GRIK4: variants seen among roughly 807,000 people sequenced by gnomAD.
GRIK4 encodes the protein glutamate ionotropic receptor kainate type subunit 4, also known as glutamate receptor ionotropic, kainate 4.
In GRIK4, 40 loss-of-function variants were observed where a neutral mutation model predicts 104.9. The ratio of observed to expected loss-of-function variants is 0.38; its 90% CI spans 0.30 to 0.50. GRIK4 has a LOEUF of 0.50. Among genes scored for constraint, GRIK4 ranks in the 20% least tolerant of loss-of-function variants. GRIK4 has a pLI of 0.93. For synonymous variants in GRIK4, 485 were observed against 524.9 expected (o/e 0.92, Z 1.04); for missense variants, 1,047 against 1,308.1 (o/e 0.80, Z 3.08).
At chr11:120,808,891 T>G (rs1388137648) in intron 4 of GRIK4, among the ~76,000 whole-genome samples, 1 of 152,050 alleles carries the variant, frequency 6.6e-6, no homozygotes, top group Non-Finnish European at 1.5e-5. Context: ...CCAGTGCACA[T>G]CTCTGTGAGC....
chr11:120,819,691 C>T lies in GRIK4; in HGVS notation c.346-64C>T. ...CCCTCCACAACCTCAGCTCACTCAT[C>T]CCTCTTTCTTCCTTTTCACCCACCT... On this transcript the variant is annotated intron_variant, in intron 5 of 20. Transcript: ENST00000527524. The surrounding 1 kb of genome is among the most constrained non-coding windows in gnomAD (Gnocchi z 4.3). 1 of 1,480,706 alleles carries T rather than the reference C, an allele frequency of 6.8e-7. No homozygotes were observed. The highest frequency in any genetic ancestry group is 9.4e-7 in the Non-Finnish European group (1 of 1,060,474). The allele number at this position is 1,480,706 out of a possible 1,614,324, so 91.7% of individuals were successfully genotyped here.
At chr11:120,590,975 C>G (rs1479527706) in intron 1 of GRIK4, among the ~76,000 whole-genome samples, 2 of 152,076 alleles carry the variant, frequency 1.3e-5, no homozygotes, top group Non-Finnish European at 2.9e-5. Context: ...CCAGGACACT[C>G]CCAAATGATG....
At chr11:120,576,784 G>A (rs894862438) in intron 1 of GRIK4, among the ~76,000 whole-genome samples, 4 of 152,210 alleles carry the variant, frequency 2.6e-5, no homozygotes, top group Admixed American at 2.6e-4. Flanking sequence ...TCCCCATAGA[G>A]GAGCCTGTGT....
intron 13 of GRIK4, among the ~76,000 whole-genome samples, chr11:120,921,602 G>A (rs1252522298): frequency 6.6e-6 from 1 of 151,688 alleles, no homozygotes; most frequent in Non-Finnish European, 1.5e-5. Flanking sequence ...CCTGCCTCCC[G>A]CTCCTGCCTC....
chr11:120,563,898 C>T (rs1256087044), intron 1 of GRIK4, among the ~76,000 whole-genome samples: 25 of 152,240 alleles, frequency 1.6e-4, no homozygotes, highest in Admixed American at 1.6e-3. Flanking sequence ...TGAGCACAGT[C>T]ACCGTCTGGG....
chr11:120,695,984 T>C (rs1950442706), intron 3 of GRIK4, among the ~76,000 whole-genome samples: 1 of 152,122 alleles, frequency 6.6e-6, no homozygotes, highest in African/African-American at 2.4e-5. Context: ...CCCAGGGGCC[T>C]CGTGACCTTC....
chr11:120,780,364 T>A (rs1952129668), intron 3 of GRIK4, among the ~76,000 whole-genome samples: 1 of 152,318 alleles, frequency 6.6e-6, no homozygotes, highest in Admixed American at 6.5e-5. Context: ...CCTTGGTACC[T>A]CACATAGTGA....
At chr11:120,943,117 C>CAT (rs1239093692) in intron 14 of GRIK4, among the ~76,000 whole-genome samples, 1 of 117,362 alleles carries the variant, frequency 8.5e-6, no homozygotes, top group East Asian at 2.1e-4. Flanking sequence ...TACACACACA[C>CAT]ACACACACAC....
At chr11:120,659,448 G>A (rs546147451) in intron 2 of GRIK4, among the ~76,000 whole-genome samples, 28 of 152,330 alleles carry the variant, frequency 1.8e-4, no homozygotes, top group African/African-American at 6.5e-4. Flanking sequence ...CCCTGAGCAT[G>A]GTGGCTTCTC....
chr11:120,914,721 G>A (rs1943070402), intron 13 of GRIK4, among the ~76,000 whole-genome samples: 1 of 152,200 alleles, frequency 6.6e-6, no homozygotes, highest in Admixed American at 6.5e-5. Flanking sequence ...TATAAACTAT[G>A]TCCAGAGCGC....
chr11:120,801,114 A>C (rs950474512), intron 3 of GRIK4, among the ~76,000 whole-genome samples: 6 of 152,246 alleles, frequency 3.9e-5, no homozygotes, highest in Non-Finnish European at 7.3e-5. Context: ...AACCCTAGGC[A>C]ACCACAAATC....
intron 3 of GRIK4, among the ~76,000 whole-genome samples, chr11:120,760,054 T>C (rs187828168): frequency 6.6e-6 from 1 of 152,122 alleles, no homozygotes; most frequent in East Asian, 1.9e-4. Flanking sequence ...TAGATTTTAA[T>C]CCTCACATTG....
Position 120,767,852 on chromosome 11 carries a change from AC to A in GRIK4, c.83-34840del, listed in dbSNP as rs1299262831. Among the ~76,000 whole-genome samples, 5 of 152,052 alleles carry A rather than the reference AC, an allele frequency of 3.3e-5. No individual in the cohort carries two copies. The East Asian group carries it at 7.7e-4, about 24-fold the overall frequency. On this transcript the variant is annotated intron_variant, in intron 3 of 20. Coordinates refer to ENST00000527524, the MANE Select transcript of GRIK4 (RefSeq NM_014619.5). ...TGGTGCCCTTGTCAAAAATCAGTTGACTGTTTATGTTTGGATTCATTTCTGG... is the reference window on the plus strand; with the variant it reads ...TGGTGCCCTTGTCAAAAATCAGTTGATGTTTATGTTTGGATTCATTTCTGG...
chr11:120,579,686 T>C (rs1948541768), intron 1 of GRIK4, among the ~76,000 whole-genome samples: 1 of 152,174 alleles, frequency 6.6e-6, no homozygotes, highest in African/African-American at 2.4e-5. Flanking sequence ...GGCTTGGACA[T>C]AGTATGGCCT....
chr11:120,844,680 A>T (rs371884882), intron 8 of GRIK4, among the ~76,000 whole-genome samples: 72 of 152,042 alleles, frequency 4.7e-4, no homozygotes, highest in African/African-American at 1.7e-3. Context: ...GTTCCGCAGG[A>T]CCCCCGGTAC....
At chr11:120,563,461 C>T (rs1231127959) in intron 1 of GRIK4, among the ~76,000 whole-genome samples, 1 of 152,164 alleles carries the variant, frequency 6.6e-6, no homozygotes, top group Non-Finnish European at 1.5e-5. Context: ...GTAGGGTGGA[C>T]AGCAGCCTTA....
chr11:120,858,425 G>T (rs1954174384), intron 8 of GRIK4: 1 of 152,128 alleles, frequency 6.6e-6, no homozygotes, highest in Non-Finnish European at 1.5e-5. Flanking sequence ...GCGTTCTGAA[G>T]CACGCCACTG....
rs1439142718 is a variant in GRIK4 at position 120,959,252 on chromosome 11, AAC to A, written c.1875-1653_1875-1652del. Among the ~76,000 whole-genome samples the A allele has an allele frequency of 2.0e-5, 3 of 152,306 alleles. No homozygotes were observed. The East Asian group carries it at 5.8e-4, about 29-fold the overall frequency. On this transcript the variant is annotated intron_variant, in intron 16 of 20. Coordinates refer to ENST00000527524, the MANE Select transcript of GRIK4 (RefSeq NM_014619.5). Reference sequence around the variant, plus strand: ...GTTTTCCCCCACATTCTCACAGTGGAACACAGCCAGAACCAAAACCCAGCTCG... The same window carrying A: ...GTTTTCCCCCACATTCTCACAGTGGAACAGCCAGAACCAAAACCCAGCTCG...
rs151025608 is a variant in GRIK4, at chr11:120,621,747, A to G, written c.-158-31938A>G. Among the ~76,000 whole-genome samples the G allele has an allele frequency of 7.2e-4, 110 of 152,268 alleles. 1 individual carries two copies. The highest frequency in any genetic ancestry group is 1.6e-3 in the African/African-American group (67 of 41,538). ...TTCCTTTCTAAAGTGAAGGCACTTA[A>G]TTGCATGATTTTAGTCAGTTTTGAC... is the stretch of plus-strand genomic sequence containing the variant. On this transcript the variant is annotated intron_variant, in intron 1 of 20. Coordinates refer to ENST00000527524, the MANE Select transcript of GRIK4 (RefSeq NM_014619.5).
Sources: allele counts gnomAD v4.1 joint callset (sites outside exome capture counted in the v4.1 genomes callset), GRCh38; gene constraint gnomAD v4.1.1; non-coding constraint Gnocchi (gnomAD v3.1); transcripts MANE v1.5; gene names NCBI Gene and HGNC (gene_info 2026-07-23, HGNC 2026-07-21).